The following SCRG1 variants were observed in gnomAD, a reference collection of about 807,000 sequenced individuals.
SCRG1 encodes the protein scrapie-responsive protein 1.
SCRG1 carries 3 observed loss-of-function variants against 7.7 expected under a neutral mutation model. That is an observed-to-expected ratio of 0.39 (90% CI 0.18 to 1.01). The LOEUF (loss-of-function observed/expected upper bound fraction) is 1.01, where lower values mean the gene tolerates loss of function less well. Among genes scored for constraint, SCRG1 ranks in the 50% least tolerant of loss-of-function variants. The pLI is 0.36. For missense variants in SCRG1, 110 were observed against 117.2 expected (o/e 0.94, Z 0.28); for synonymous variants, 46 against 41.2 (o/e 1.12, Z -0.44).
chr4:173,505,288 T>A, the SCRG1 span, among the ~76,000 whole-genome samples: 1 of 152,136 alleles, frequency 6.6e-6, no homozygotes, highest in Admixed American at 6.5e-5. This position sits in a 1 kb window ranked among gnomAD's most constrained non-coding sequence, Gnocchi z 4.4. Flanking sequence ...AACAACAATT[T>A]ATCCTCAATG....
the SCRG1 span, chr4:173,467,727 A>T: frequency 2.0e-5 from 3 of 152,210 alleles, no homozygotes; most frequent in Non-Finnish European, 2.9e-5. Context: ...CATCTGAATT[A>T]TAAAAGCCAC....
At chr4:173,457,785 T>C in the SCRG1 span, among the ~76,000 whole-genome samples, 1 of 152,196 alleles carries the variant, frequency 6.6e-6, no homozygotes, top group Non-Finnish European at 1.5e-5. Flanking sequence ...ATACCTATAC[T>C]ACCTGGAGAG....
At chr4:173,454,754 A>T in the SCRG1 span, among the ~76,000 whole-genome samples, 1 of 152,070 alleles carries the variant, frequency 6.6e-6, no homozygotes, top group Admixed American at 6.6e-5. Context: ...TAAGGGAGAG[A>T]TTTGGTGTGG....
At position 173,384,942 on chromosome 4, in the gene SCRG1, G is replaced by A. The variant is rs1739206748; in HGVS notation, c.*3399C>T. 6.6e-6 allele frequency: 1 copy of A among 152,134 alleles called. No homozygotes were observed. The highest frequency in any genetic ancestry group is 1.5e-5 in the Non-Finnish European group (1 of 68,016). 9.4% of individuals were successfully genotyped at this position (152,134 alleles called of 1,614,324 possible). A position where few individuals can be genotyped will look rare whatever the true frequency, so the allele number is the denominator to read the frequency against. ...TTCTGTAAAGGAAATAATGCATTAG[G>A]TAATGCTGTTAAACAACATAGTGGT... is the stretch of plus-strand genomic sequence containing the variant. On this transcript the variant is annotated 3_prime_UTR_variant, in exon 3 of 3. Coordinates refer to ENST00000296506, the MANE Select transcript of SCRG1 (RefSeq NM_007281.4).
chr4:173,485,612 A>G, the SCRG1 span, among the ~76,000 whole-genome samples: 4 of 152,112 alleles, frequency 2.6e-5, no homozygotes, highest in African/African-American at 9.7e-5. Flanking sequence ...CCACTTCAAG[A>G]GGATACATAG....
the SCRG1 span, among the ~76,000 whole-genome samples, chr4:173,482,620 C>T: frequency 2.0e-5 from 3 of 151,844 alleles, no homozygotes; most frequent in African/African-American, 7.3e-5. Context: ...AAGTTTGAGA[C>T]CAGCCGTGGC....
At chr4:173,469,011 A>T in the SCRG1 span, 12 of 152,200 alleles carry the variant, frequency 7.9e-5, no homozygotes, top group Non-Finnish European at 1.8e-4. Flanking sequence ...GAGGCTCTGA[A>T]GTGTCCCCAG....
chr4:173,471,228 G>A, the SCRG1 span, among the ~76,000 whole-genome samples: 1 of 152,156 alleles, frequency 6.6e-6, no homozygotes, highest in African/African-American at 2.4e-5. Flanking sequence ...CAAGCACATG[G>A]TAGGGTAGTT....
chr4:173,429,249 A>G, the SCRG1 span, among the ~76,000 whole-genome samples: 1 of 152,048 alleles, frequency 6.6e-6, no homozygotes, highest in Non-Finnish European at 1.5e-5. Flanking sequence ...CCTTTCTAGT[A>G]AGAAACCATT....
chr4:173,418,998 T>C, the SCRG1 span, among the ~76,000 whole-genome samples: 5 of 152,324 alleles, frequency 3.3e-5, no homozygotes, highest in African/African-American at 9.6e-5. Context: ...TAGTTCCTTG[T>C]AGCGATTTGA....
the SCRG1 span, among the ~76,000 whole-genome samples, chr4:173,490,531 A>G: frequency 1.3e-5 from 2 of 152,242 alleles, 1 homozygote; most frequent in South Asian, 4.1e-4. Flanking sequence ...TTTGGCAGAA[A>G]GTTGGTCATA....
chr4:173,448,821 A>T, the SCRG1 span, among the ~76,000 whole-genome samples: 1 of 152,224 alleles, frequency 6.6e-6, no homozygotes, highest in Admixed American at 6.5e-5. Flanking sequence ...AACTTGGCAG[A>T]TAGTATTAAA....
the SCRG1 span, among the ~76,000 whole-genome samples, chr4:173,482,609 G>C: frequency 6.6e-6 from 1 of 152,014 alleles, no homozygotes; most frequent in Non-Finnish European, 1.5e-5. Context: ...CTTGAGGTGA[G>C]AAGTTTGAGA....
At chr4:173,484,436 C>CATATAATATATATTATATATT in the SCRG1 span, among the ~76,000 whole-genome samples, 1 of 50,592 alleles carries the variant, frequency 2.0e-5, no homozygotes, top group Non-Finnish European at 3.3e-5. Flanking sequence ...ATATTATATA[C>CATATAATATATATTATATATT]ATATGATATA....
At chr4:173,388,538 G>A in intron 2 of SCRG1, 143 bp from the exon 3 acceptor site, 1 of 546,446 alleles carries the variant, frequency 1.8e-6, no homozygotes, top group Non-Finnish European at 3.2e-6. Flanking sequence ...AGAGATGAGT[G>A]GGAGGACTTG....
chr4:173,483,248 TCA>T, the SCRG1 span, among the ~76,000 whole-genome samples: 5 of 38,804 alleles, frequency 1.3e-4, no homozygotes, highest in Middle Eastern at 0.028. Flanking sequence ...ATATGATATA[TCA>T]TATATGATAT....
the SCRG1 span, among the ~76,000 whole-genome samples, chr4:173,424,652 G>C: frequency 2.6e-5 from 4 of 152,250 alleles, no homozygotes; most frequent in South Asian, 6.2e-4. Flanking sequence ...GCTCACGCTT[G>C]TATCCCAGAA....
chr4:173,509,866 G>C, the SCRG1 span, among the ~76,000 whole-genome samples: 1 of 152,214 alleles, frequency 6.6e-6, no homozygotes, highest in Non-Finnish European at 1.5e-5. The surrounding 1 kb of genome is among the most constrained non-coding windows in gnomAD (Gnocchi z 5.7). Flanking sequence ...GGCGGCCGGG[G>C]AGATTCACCC....
At chr4:173,502,254 T>C in the SCRG1 span, among the ~76,000 whole-genome samples, 4 of 152,002 alleles carry the variant, frequency 2.6e-5, no homozygotes, top group East Asian at 1.9e-4. This position sits in a 1 kb window ranked among gnomAD's most constrained non-coding sequence, Gnocchi z 4.6. Flanking sequence ...CAGGTAAGTA[T>C]GTGAGCCACA....
Sources: gnomAD v4.1 joint callset for allele counts (sites outside exome capture counted in the v4.1 genomes callset) on GRCh38, gnomAD v4.1.1 for gene constraint, Gnocchi (gnomAD v3.1) non-coding constraint, MANE v1.5 for transcripts, NCBI Gene and HGNC (gene_info 2026-07-23, HGNC 2026-07-21) for gene names.